WWOX: variants seen among roughly 807,000 people sequenced by gnomAD.
The protein encoded by WWOX is WW domain containing oxidoreductase, also known as WW domain-containing oxidoreductase.
WWOX carries 69 observed loss-of-function variants against 46.2 expected under a neutral mutation model. The ratio of observed to expected loss-of-function variants is 1.49; its 90% CI spans 1.23 to 1.82. WWOX has a LOEUF of 1.82. WWOX is among the 40% of genes most tolerant of loss of function. The pLI, the probability that WWOX is intolerant of heterozygous loss-of-function variation, is 0.00. For missense variants in WWOX, 919 were observed against 542.6 expected (o/e 1.69, Z -6.89); for synonymous variants, 359 against 202.6 (o/e 1.77, Z -6.56).
At chr16:78,921,922 G>C (rs1162887789) in intron 8 of WWOX, among the ~76,000 whole-genome samples, 2 of 152,194 alleles carry the variant, frequency 1.3e-5, no homozygotes, top group Admixed American at 1.3e-4. Context: ...ACAGGGAAAG[G>C]ATACAGGTTA....
intron 8 of WWOX, among the ~76,000 whole-genome samples, chr16:79,166,489 G>A (rs541758955): frequency 1.3e-5 from 2 of 152,126 alleles, no homozygotes; most frequent in South Asian, 2.1e-4. Flanking sequence ...ATTTTTCAAC[G>A]AGAGTTCAGA....
chr16:78,416,871 A>G (rs1428299773), intron 6 of WWOX, among the ~76,000 whole-genome samples: 1 of 152,196 alleles, frequency 6.6e-6, no homozygotes, highest in East Asian at 1.9e-4. Context: ...TTTAGTTTAC[A>G]GGGGAGGACA....
At chr16:78,565,060 C>G (rs2044531995) in intron 8 of WWOX, among the ~76,000 whole-genome samples, 1 of 152,142 alleles carries the variant, frequency 6.6e-6, no homozygotes, top group South Asian at 2.1e-4. Flanking sequence ...TGTTCTCTCC[C>G]CAGCAACTAT....
intron 8 of WWOX, among the ~76,000 whole-genome samples, chr16:79,148,014 A>G (rs574038118): frequency 6.6e-6 from 1 of 152,064 alleles, no homozygotes; most frequent in Non-Finnish European, 1.5e-5. Context: ...TCTTCTCTCA[A>G]TCTACAGCTT....
In WWOX at chr16:78,343,924, A is replaced by C. The variant is rs767937773; in HGVS notation, c.517-42936A>C. On this transcript the variant is annotated intron_variant, in intron 5 of 8. Coordinates refer to ENST00000566780, the MANE Select transcript of WWOX (RefSeq NM_016373.4). ...ATGACGATGACCCTTGGTTGGAGCA[A>C]TGTAGTCTAAATGTGGTTGCATCAT... Among the ~76,000 whole-genome samples the C allele has an allele frequency of 2.5e-5, 3 of 120,076 alleles. No individual in the cohort carries two copies. In the East Asian group the frequency reaches 5.8e-4, roughly 23 times the overall value. 78.8% of individuals were successfully genotyped at this position (120,076 alleles called of 152,430 possible). A position where few individuals can be genotyped will look rare whatever the true frequency, so the allele number is the denominator to read the frequency against.
intron 8 of WWOX, among the ~76,000 whole-genome samples, chr16:78,647,283 G>T (rs1380426988): frequency 2.0e-5 from 3 of 152,146 alleles, no homozygotes; most frequent in African/African-American, 7.2e-5. Flanking sequence ...TGCTTTACAG[G>T]AAGGGGAGTG....
intron 8 of WWOX, among the ~76,000 whole-genome samples, chr16:78,822,309 C>T (rs939478446): frequency 7.2e-5 from 11 of 152,154 alleles, no homozygotes; most frequent in African/African-American, 2.4e-4. Context: ...GCCTGGCTGA[C>T]ATGACGAAAC....
rs578257473 is a variant in WWOX, at chr16:79,085,454, G to A, written c.1057-126154G>A. ...GAGCTTTTCTTCTTCCCAGTTCACT[G>A]GGCCGATGTGGGCACAGCCTCAGGT... On this transcript the variant is annotated intron_variant, in intron 8 of 8. Coordinates refer to ENST00000566780, the MANE Select transcript of WWOX (RefSeq NM_016373.4). Among the ~76,000 whole-genome samples the A allele has an allele frequency of 3.3e-5, 5 of 152,180 alleles. No individual in the cohort carries two copies. The East Asian group carries it at 9.7e-4, about 29-fold the overall frequency.
At chr16:78,953,925 C>G (rs953794033) in intron 8 of WWOX, among the ~76,000 whole-genome samples, 1 of 152,150 alleles carries the variant, frequency 6.6e-6, no homozygotes, top group African/African-American at 2.4e-5. Context: ...TTAATTACTT[C>G]AGTAGTCATT....
intron 8 of WWOX, among the ~76,000 whole-genome samples, chr16:78,692,030 C>G (rs2142268192): frequency 6.6e-6 from 1 of 152,296 alleles, no homozygotes; most frequent in African/African-American, 2.4e-5. Context: ...GTAAGAAGTG[C>G]CTTTTGCCTA....
chr16:78,365,586 G>C (rs2081517638), intron 5 of WWOX, among the ~76,000 whole-genome samples: 2 of 152,180 alleles, frequency 1.3e-5, no homozygotes, highest in Non-Finnish European at 1.5e-5. Flanking sequence ...CTGAATCATA[G>C]TGTTGCTTGT....
At chr16:78,907,118 G>T (rs1037518270) in intron 8 of WWOX, among the ~76,000 whole-genome samples, 1 of 152,120 alleles carries the variant, frequency 6.6e-6, no homozygotes, top group African/African-American at 2.4e-5. Context: ...AAAATTCAGA[G>T]ACTGGGGTTT....
intron 8 of WWOX, among the ~76,000 whole-genome samples, chr16:78,866,194 G>A (rs760095702): frequency 6.6e-5 from 10 of 152,002 alleles, no homozygotes; most frequent in African/African-American, 2.2e-4. Context: ...TGAAAACACC[G>A]AAGAATCCTT....
chr16:78,852,194 T>C (rs1369433061), intron 8 of WWOX, among the ~76,000 whole-genome samples: 1 of 152,208 alleles, frequency 6.6e-6, no homozygotes, highest in East Asian at 1.9e-4. Flanking sequence ...GCTTCTGTGG[T>C]AGCCAGAGGT....
chr16:79,201,799 A>G (rs2051358055), intron 8 of WWOX, among the ~76,000 whole-genome samples: 1 of 87,308 alleles, frequency 1.1e-5, no homozygotes, highest in African/African-American at 3.6e-5. Flanking sequence ...AGATAACTAA[A>G]TTGAAACCTG....
chr16:78,667,778 C>T (rs2047367461), intron 8 of WWOX, among the ~76,000 whole-genome samples: 2 of 152,144 alleles, frequency 1.3e-5, no homozygotes, highest in East Asian at 1.9e-4. Flanking sequence ...GAGCTCTCTC[C>T]TTTGTTTCTG....
At chr16:78,122,898 C>T (rs1486004766) in intron 4 of WWOX, among the ~76,000 whole-genome samples, 1 of 152,108 alleles carries the variant, frequency 6.6e-6, no homozygotes, top group Non-Finnish European at 1.5e-5. Context: ...AGCCACCATG[C>T]CCGGGGGTGT....
chr16:78,586,467 C>T (rs1288001894), intron 8 of WWOX, among the ~76,000 whole-genome samples: 3 of 152,184 alleles, frequency 2.0e-5, no homozygotes, highest in Non-Finnish European at 2.9e-5. Flanking sequence ...TTGTCATCCT[C>T]TGTACCTACC....
chr16:78,243,395 G>A (rs570822326), intron 5 of WWOX, among the ~76,000 whole-genome samples: 7 of 152,062 alleles, frequency 4.6e-5, no homozygotes, highest in South Asian at 2.1e-4. Flanking sequence ...TGGGGTACTC[G>A]TGCAGGGCTG....
Sources: gnomAD v4.1 joint callset for allele counts (sites outside exome capture counted in the v4.1 genomes callset) on GRCh38, gnomAD v4.1.1 for gene constraint, MANE v1.5 for transcripts, NCBI Gene and HGNC (gene_info 2026-07-23, HGNC 2026-07-21) for gene names.